MYO10: variants seen among roughly 807,000 people sequenced by gnomAD.
MYO10 encodes unconventional myosin-X.
In MYO10, 133 loss-of-function variants were observed where a neutral mutation model predicts 257.3. That is an observed-to-expected ratio of 0.52 (90% CI 0.45 to 0.60). The LOEUF (loss-of-function observed/expected upper bound fraction) is 0.60. Ranked by LOEUF, MYO10 falls within the 20% of genes least tolerant of loss-of-function variation. MYO10 has a pLI of 0.00. For synonymous variants in MYO10, 1,104 were observed against 1,028.6 expected, an observed-to-expected ratio of 1.07 and a Z score of -1.40; for missense variants, 2,399 against 2,635.7, an observed-to-expected ratio of 0.91 and a Z score of 1.97.
At chr5:16,713,553 G>A in intron 19 of MYO10, 2 of 888,754 alleles carry the variant, frequency 2.3e-6, no homozygotes, top group Non-Finnish European at 2.7e-6. Context: ...ACAGCCAGGG[G>A]AGGGGAGGGA....
chr5:16,812,351 C>T (rs910947212), intron 3 of MYO10, among the ~76,000 whole-genome samples: 8 of 152,212 alleles, frequency 5.3e-5, no homozygotes, highest in Non-Finnish European at 8.8e-5. Flanking sequence ...GCTTAAACCA[C>T]GCAGTCCAGA....
chr5:16,777,427 ATT>A (rs146049383), intron 9 of MYO10, among the ~76,000 whole-genome samples: 3,002 of 152,336 alleles, frequency 0.02, 98 homozygotes, highest in African/African-American at 0.069. Flanking sequence ...ATTTATATCC[ATT>A]TGTTAAAAAT....
chr5:16,675,394 T>C (rs192125621), intron 34 of MYO10, among the ~76,000 whole-genome samples: 2 of 152,316 alleles, frequency 1.3e-5, no homozygotes, highest in East Asian at 3.9e-4. Context: ...AGGTAATCTG[T>C]TGCTGAACAA....
At chr5:16,745,077 C>T (rs1220716758) in intron 19 of MYO10, among the ~76,000 whole-genome samples, 2 of 152,224 alleles carry the variant, frequency 1.3e-5, no homozygotes, top group African/African-American at 4.8e-5. Context: ...CGGTAGCTCA[C>T]GCCGGTAATC....
chr5:16,929,447 C>T (rs548378534), intron 1 of MYO10, among the ~76,000 whole-genome samples: 1 of 152,262 alleles, frequency 6.6e-6, no homozygotes, highest in South Asian at 2.1e-4. Flanking sequence ...AGGACATCAA[C>T]AGGACAGAAA....
intron 21 of MYO10, among the ~76,000 whole-genome samples, chr5:16,707,357 A>G (rs1430287067): frequency 6.6e-6 from 1 of 152,196 alleles, no homozygotes; most frequent in African/African-American, 2.4e-5. Context: ...AGTTGGCACA[A>G]CCTAGTGACT....
Position 16,935,888 on chromosome 5 carries a change from T to C in MYO10, c.-80A>G, listed in dbSNP as rs2126812327. The C allele has an allele frequency of 1.3e-6, 2 of 1,564,628 alleles. No individual in the cohort carries two copies. The highest frequency in any genetic ancestry group is 1.2e-5 in the South Asian group (1 of 86,584). On this transcript the variant is annotated 5_prime_UTR_variant, in exon 1 of 41. The change abolishes an upstream ATG in the 5' untranslated region. Coordinates refer to ENST00000513610, the MANE Select transcript of MYO10 (RefSeq NM_012334.3). ...CGCCGCCGCGGGTCCGGGGAAACCA[T>C]GCGTGTCACGGCGCCACTCCCGAGG... is the stretch of plus-strand genomic sequence containing the variant.
At chr5:16,869,757 T>C (rs571656478) in intron 2 of MYO10, among the ~76,000 whole-genome samples, 3 of 151,068 alleles carry the variant, frequency 2.0e-5, no homozygotes, top group East Asian at 2.0e-4. Context: ...CCCAGCTACG[T>C]AGGAGGCTGA....
intron 25 of MYO10, among the ~76,000 whole-genome samples, chr5:16,699,818 A>G (rs965826909): frequency 2.6e-5 from 4 of 151,404 alleles, no homozygotes; most frequent in African/African-American, 9.7e-5. Flanking sequence ...GGGAAAAGGA[A>G]AAAGAAAAAA....
At chr5:16,904,516 G>T (rs1197434294) in intron 1 of MYO10, among the ~76,000 whole-genome samples, 1 of 152,178 alleles carries the variant, frequency 6.6e-6, no homozygotes, top group Non-Finnish European at 1.5e-5. Flanking sequence ...GGGGTCTGAC[G>T]CCGGGTAGAC....
intron 22 of MYO10, 103 bp downstream of exon 22, chr5:16,704,476 C>T: frequency 1.1e-6 from 1 of 943,316 alleles, no homozygotes; most frequent in Non-Finnish European, 1.6e-6. Context: ...ACCTGAGGCT[C>T]CCCTCAATTC....
chr5:16,729,583 C>G (rs2126613128), intron 19 of MYO10, among the ~76,000 whole-genome samples: 1 of 151,970 alleles, frequency 6.6e-6, no homozygotes, highest in African/African-American at 2.4e-5. Flanking sequence ...TCCCGGGTAG[C>G]TGGGACTACA....
intron 3 of MYO10, among the ~76,000 whole-genome samples, chr5:16,806,342 G>C (rs1427248088): frequency 6.6e-6 from 1 of 150,582 alleles, no homozygotes; most frequent in African/African-American, 2.4e-5. Context: ...GGGCCACAGA[G>C]TAAGACTCTA....
chr5:16,818,392 G>A (rs1336823013), intron 2 of MYO10, among the ~76,000 whole-genome samples: 48 of 104,972 alleles, frequency 4.6e-4, no homozygotes, highest in African/African-American at 1.7e-3. Context: ...GTGTGTGTGT[G>A]TGTGTGTGTG....
intron 9 of MYO10, among the ~76,000 whole-genome samples, chr5:16,769,698 G>C (rs920525533): frequency 1.3e-5 from 2 of 152,048 alleles, no homozygotes; most frequent in African/African-American, 4.8e-5. Flanking sequence ...AGAGGAGGAA[G>C]ATAAAGAACT....
intron 1 of MYO10, among the ~76,000 whole-genome samples, chr5:16,927,774 T>A (rs1746176917): frequency 1.3e-5 from 2 of 152,230 alleles, no homozygotes; most frequent in Non-Finnish European, 2.9e-5. Flanking sequence ...ACAGATGTGT[T>A]GTGGCTTTGT....
intron 2 of MYO10, among the ~76,000 whole-genome samples, chr5:16,829,337 C>T (rs1743097274): frequency 6.6e-6 from 1 of 152,092 alleles, no homozygotes; most frequent in South Asian, 2.1e-4. Context: ...TCATGGGCAA[C>T]ACTAACATCA....
At position 16,738,017 on chromosome 5, in the gene MYO10, G is replaced by A. The variant is rs143891423; in HGVS notation, c.1929+16811C>T. ...CTAAACAGGTGAAGCAGAGTAGCAC[G>A]GAACTAGAAAATCTAGAAAACTAGG... On this transcript the variant is annotated intron_variant, in intron 19 of 40. Transcript: ENST00000513610. 6.5e-4 allele frequency: 496 copies of A among 767,324 alleles called. No homozygotes were observed. The African/African-American group carries it at 8.3e-3, about 13-fold the overall frequency. The allele number at this position is 767,324 out of a possible 1,614,324, so 47.5% of individuals were successfully genotyped here. A position where few individuals can be genotyped will look rare whatever the true frequency, so the allele number is the denominator to read the frequency against.
chr5:16,699,928 A>G (rs1403360893), intron 25 of MYO10, among the ~76,000 whole-genome samples: 1 of 152,344 alleles, frequency 6.6e-6, no homozygotes, highest in East Asian at 1.9e-4. Context: ...GAATTGATAC[A>G]TGAAAGACAA....
Sources: gnomAD v4.1 joint callset for allele counts (sites outside exome capture counted in the v4.1 genomes callset) on GRCh38, gnomAD v4.1.1 for gene constraint, MANE v1.5 for transcripts, NCBI Gene and HGNC (gene_info 2026-07-23, HGNC 2026-07-21) for gene names.